UBE3D: variants seen among roughly 807,000 people sequenced by gnomAD.
UBE3D encodes the protein ubiquitin protein ligase E3D, also known as E3 ubiquitin-protein ligase E3D.
Under a neutral mutation model 49.6 loss-of-function variants are expected in UBE3D, and 48 were observed. That is an observed-to-expected ratio of 0.97 (90% CI 0.77 to 1.23). The LOEUF is 1.23. Among genes scored for constraint, UBE3D ranks in the 50% most tolerant of loss-of-function variants. The probability of loss-of-function intolerance (pLI) is 0.00; values close to 1 mark genes in which losing one functional copy is unlikely to be tolerated. For missense variants in UBE3D, 452 were observed against 468.4 expected (o/e 0.96, Z 0.32); for synonymous variants, 189 against 174.2 (o/e 1.08, Z -0.67).
chr6:82,962,679 GAA>G (rs1776640234), intron 8 of UBE3D, among the ~76,000 whole-genome samples: 1 of 152,058 alleles, frequency 6.6e-6, no homozygotes, highest in South Asian at 2.1e-4. Flanking sequence ...GCGCATAAAG[GAA>G]AAGAGTGTTA....
Position 82,892,690 on chromosome 6 carries a change from G to A in UBE3D, c.*332C>T. On this transcript the variant is annotated 3_prime_UTR_variant, in exon 10 of 10. Coordinates refer to ENST00000369747, the MANE Select transcript of UBE3D (RefSeq NM_198920.3). Reference sequence around the variant, plus strand: ...TCACTGGATTCCACACAGGACAGATGGATCTCCATTAGGTAATAACCTTCC... The same window carrying A: ...TCACTGGATTCCACACAGGACAGATAGATCTCCATTAGGTAATAACCTTCC... 2.9e-6 allele frequency: 1 copy of A among 340,934 alleles called. No individual in the cohort carries two copies. The highest frequency in any genetic ancestry group is 5.6e-6 in the Non-Finnish European group (1 of 178,230). 21.1% of individuals were successfully genotyped at this position (340,934 alleles called of 1,614,324 possible).
At chr6:83,032,521 C>A (rs1280850444) in intron 5 of UBE3D, among the ~76,000 whole-genome samples, 1 of 152,206 alleles carries the variant, frequency 6.6e-6, no homozygotes, top group Non-Finnish European at 1.5e-5. Flanking sequence ...GTGGAAGGGA[C>A]TTGCCTTGTA....
intron 9 of UBE3D, among the ~76,000 whole-genome samples, chr6:82,898,479 C>T (rs1421209550): frequency 6.6e-6 from 1 of 152,104 alleles, no homozygotes; most frequent in Non-Finnish European, 1.5e-5. Context: ...ACATATACAC[C>T]ACGGAATACT....
intron 5 of UBE3D, among the ~76,000 whole-genome samples, chr6:83,032,635 T>C (rs1781960935): frequency 6.6e-6 from 1 of 152,178 alleles, no homozygotes; most frequent in Non-Finnish European, 1.5e-5. Flanking sequence ...GGACATGAGA[T>C]TTGGGAGCAG....
chr6:82,902,710 CACAA>C (rs1771826097), intron 9 of UBE3D, among the ~76,000 whole-genome samples: 1 of 152,094 alleles, frequency 6.6e-6, no homozygotes, highest in African/African-American at 2.4e-5. Context: ...GTGGTAGATA[CACAA>C]ACATACACAG....
intron 8 of UBE3D, among the ~76,000 whole-genome samples, chr6:83,012,154 G>T (rs1780381969): frequency 1.3e-5 from 2 of 152,162 alleles, no homozygotes; most frequent in East Asian, 3.9e-4. Context: ...ATGCTGTGTG[G>T]AATACCATGA....
At chr6:83,009,790 AT>A (rs2127757269) in intron 8 of UBE3D, among the ~76,000 whole-genome samples, 1 of 149,398 alleles carries the variant, frequency 6.7e-6, no homozygotes, top group African/African-American at 2.5e-5. Flanking sequence ...CAGATTGACT[AT>A]AGTACAAGGT....
intron 8 of UBE3D, among the ~76,000 whole-genome samples, chr6:82,986,691 T>C (rs1279215992): frequency 1.3e-5 from 2 of 148,338 alleles, no homozygotes; most frequent in African/African-American, 2.5e-5. Context: ...CTTTTATACA[T>C]ATGCGTGATT....
At chr6:83,039,603 C>T (rs946222856) in intron 4 of UBE3D, among the ~76,000 whole-genome samples, 2 of 152,036 alleles carry the variant, frequency 1.3e-5, no homozygotes, top group African/African-American at 4.8e-5. Flanking sequence ...ATTCATGGAA[C>T]CAATTCAGTG....
At chr6:83,001,272 T>C (rs1779615963) in intron 8 of UBE3D, among the ~76,000 whole-genome samples, 1 of 152,250 alleles carries the variant, frequency 6.6e-6, no homozygotes, top group Admixed American at 6.5e-5. Context: ...TTATTTTTCC[T>C]GCTAGATTGT....
At chr6:82,995,552 G>A (rs1240391017) in intron 8 of UBE3D, among the ~76,000 whole-genome samples, 4 of 149,622 alleles carry the variant, frequency 2.7e-5, no homozygotes, top group African/African-American at 4.9e-5. Context: ...ACATGAACAG[G>A]CTATTCACAG....
At chr6:82,884,691 C>A in the UBE3D span, among the ~76,000 whole-genome samples, 1 of 152,120 alleles carries the variant, frequency 6.6e-6, no homozygotes, top group Non-Finnish European at 1.5e-5. Context: ...ACTTCTTTCC[C>A]ATCATGGTAT....
intron 9 of UBE3D, among the ~76,000 whole-genome samples, chr6:82,930,590 T>A (rs1194260896): frequency 1.3e-5 from 2 of 152,178 alleles, no homozygotes; most frequent in Non-Finnish European, 2.9e-5. Flanking sequence ...AAGTCCAGGC[T>A]GAGGTGGTCT....
At chr6:82,898,926 G>A (rs1336593566) in intron 9 of UBE3D, among the ~76,000 whole-genome samples, 1 of 152,052 alleles carries the variant, frequency 6.6e-6, no homozygotes, top group Non-Finnish European at 1.5e-5. Context: ...GATTGTTCCA[G>A]CCACAGCGCA....
intron 3 of UBE3D, among the ~76,000 whole-genome samples, chr6:83,045,308 A>G (rs1205558639): frequency 1.3e-5 from 2 of 152,172 alleles, no homozygotes; most frequent in African/African-American, 4.8e-5. Flanking sequence ...AATGAATACT[A>G]TCATTTTTCC....
intron 8 of UBE3D, among the ~76,000 whole-genome samples, chr6:82,960,712 C>T (rs1464254619): frequency 6.6e-6 from 1 of 151,902 alleles, no homozygotes; most frequent in Non-Finnish European, 1.5e-5. Context: ...GAGTGATTTC[C>T]TCTAACTTTC....
At chr6:82,895,738 C>T (rs1771269242) in intron 9 of UBE3D, among the ~76,000 whole-genome samples, 2 of 152,166 alleles carry the variant, frequency 1.3e-5, no homozygotes, top group African/African-American at 4.8e-5. Context: ...TAGCAAAGCT[C>T]TTAGGTGACA....
intron 3 of UBE3D, among the ~76,000 whole-genome samples, chr6:83,047,599 G>A (rs1783151547): frequency 6.6e-6 from 1 of 152,210 alleles, no homozygotes; most frequent in South Asian, 2.1e-4. Flanking sequence ...TCTTGATGCT[G>A]CCCTGCTGGC....
At chr6:83,033,549 G>T (rs992454645) in intron 5 of UBE3D, among the ~76,000 whole-genome samples, 2 of 152,064 alleles carry the variant, frequency 1.3e-5, no homozygotes, top group East Asian at 3.9e-4. Flanking sequence ...TCATGATGGT[G>T]AGTGAGTGAC....
Sources: gnomAD v4.1 joint callset for allele counts (sites outside exome capture counted in the v4.1 genomes callset) on GRCh38, gnomAD v4.1.1 for gene constraint, MANE v1.5 for transcripts, NCBI Gene and HGNC (gene_info 2026-07-23, HGNC 2026-07-21) for gene names.